Variants in SLC19A1 observed in about 807,000 individuals in gnomAD.
SLC19A1 encodes reduced folate transporter.
In SLC19A1, 37 loss-of-function variants were observed where a neutral mutation model predicts 35.3. That is an observed-to-expected ratio of 1.05 (90% CI 0.81 to 1.38). SLC19A1 has a LOEUF of 1.38. Ranked by LOEUF, SLC19A1 falls within the 40% of genes most tolerant of loss-of-function variation. The pLI, the probability that SLC19A1 is intolerant of heterozygous loss-of-function variation, is 0.00. For missense variants in SLC19A1, 831 were observed against 826.9 expected (o/e 1.00, Z -0.06); for synonymous variants, 460 against 398.5 (o/e 1.15, Z -1.84).
At chr21:45,547,889 C>T (rs2078430217), upstream of SLC19A1, among the ~76,000 whole-genome samples, 1 of 152,202 alleles carries the variant, frequency 6.6e-6, no homozygotes, top group Non-Finnish European at 1.5e-5. Flanking sequence ...AATTGGAAGG[C>T]TCATTATTAA....
exon 6 of SLC19A1, chr21:45,512,563 AGT>A (rs2037674300): frequency 2.9e-6 from 2 of 687,068 alleles, no homozygotes; most frequent in Admixed American, 2.8e-5. Flanking sequence ...GAAGCCAAAG[AGT>A]GTATTTTTTT....
chr21:45,527,458 C>T (rs1484632408), intron 4 of SLC19A1, among the ~76,000 whole-genome samples: 2 of 125,196 alleles, frequency 1.6e-5, no homozygotes, highest in East Asian at 2.5e-4. Context: ...GGCAGCCAGG[C>T]AGGGCGGGCC....
intron 3 of SLC19A1, chr21:45,503,930 C>T (rs2037022996): frequency 6.6e-6 from 10 of 1,525,432 alleles, no homozygotes; most frequent in Non-Finnish European, 6.4e-6. Context: ...CAGGCAAACC[C>T]ACCAGTGCTG....
chr21:45,504,280 AT>A, intron 3 of SLC19A1: 1 of 954,994 alleles, frequency 1.0e-6, no homozygotes, highest in Non-Finnish European at 1.6e-6. Context: ...GTCGAGCCCT[AT>A]TCTATGCAGC....
chr21:45,546,581 T>C (rs2078418306), upstream of SLC19A1, among the ~76,000 whole-genome samples: 2 of 152,258 alleles, frequency 1.3e-5, no homozygotes, highest in Admixed American at 1.3e-4. Flanking sequence ...AAAATCATGC[T>C]TAAATAGCCC....
intron 3 of SLC19A1, among the ~76,000 whole-genome samples, chr21:45,503,423 T>G (rs1394953256): frequency 6.6e-6 from 1 of 152,142 alleles, no homozygotes; most frequent in African/African-American, 2.4e-5. Flanking sequence ...GGGTTGTTTG[T>G]GGCACATATA....
Position 45,515,670 on chromosome 21 carries a change from A to G in SLC19A1, c.1764T>C (p.Asn588=), listed in dbSNP as rs541428963. ...LQCLPSDGVQ[N]VNQ ...GGGCGCCCGAGAGTCACTGGTTCAC[A>G]TTCTGAACACCGTCGCTTGGAAGAC... Residue 588 remains asparagine, a synonymous_variant, in exon 6 of 6, where the codon AAT becomes AAC. Transcript: ENST00000311124. The G allele has an allele frequency of 3.5e-4, 561 of 1,613,608 alleles. 6 individuals are homozygous for G. In the South Asian group the frequency reaches 5.8e-3, roughly 17 times the overall value.
intron 3 of SLC19A1, among the ~76,000 whole-genome samples, chr21:45,503,253 G>A (rs1036806132): frequency 3.4e-5 from 5 of 145,952 alleles, no homozygotes; most frequent in South Asian, 2.2e-4. Flanking sequence ...ACTTTTTAAC[G>A]ATCGCCATTC....
At chr21:45,541,277 C>T (rs1305662756) in intron 1 of SLC19A1, among the ~76,000 whole-genome samples, 3 of 152,236 alleles carry the variant, frequency 2.0e-5, no homozygotes, top group African/African-American at 2.4e-5. Context: ...CAGGCAAAGG[C>T]GGCCAGTGAG....
In SLC19A1 at chr21:45,514,265, C is replaced by CCCCCA. The variant is rs908562993; in HGVS notation, c.*1392_*1393insTGGGG. On this transcript the variant is annotated 3_prime_UTR_variant, in exon 6 of 6. Coordinates refer to ENST00000311124, the MANE Select transcript of SLC19A1 (RefSeq NM_194255.4). ...GGAAATGGCTGGTGCAGACCCCCCC[C>CCCCCA]CAAGCAGGGTCCCCAGGGTGGCCAT... 1.3e-5 allele frequency: 2 copies of CCCCCA among 148,994 alleles called. No individual in the cohort carries two copies. Among genetic ancestry groups the CCCCCA allele is most frequent in the African/African-American group, 5.1e-5 (2 of 38,880 alleles). The allele number at this position is 148,994 out of a possible 1,614,324, so 9.2% of individuals were successfully genotyped here.
chr21:45,549,660 TG>T, intron 1 of SLC19A1, among the ~76,000 whole-genome samples: 1 of 64,420 alleles, frequency 1.6e-5, no homozygotes, highest in East Asian at 5.9e-4. Flanking sequence ...TAGTGGGTGG[TG>T]GGGAGGGGGA....
At chr21:45,553,540 T>C (rs1278462808) in intron 1 of SLC19A1, among the ~76,000 whole-genome samples, 3 of 151,642 alleles carry the variant, frequency 2.0e-5, no homozygotes, top group African/African-American at 7.3e-5. Flanking sequence ...TTCACACTGT[T>C]GTGCGGCCGT....
At chr21:45,546,574 A>G (rs2078418285), upstream of SLC19A1, among the ~76,000 whole-genome samples, 1 of 152,224 alleles carries the variant, frequency 6.6e-6, no homozygotes, top group Non-Finnish European at 1.5e-5. Flanking sequence ...CTTTCACAAA[A>G]TCATGCTTAA....
At position 45,513,785 on chromosome 21, in the gene SLC19A1, G is replaced by A. The variant is rs566851565; in HGVS notation, c.*1873C>T. 3.3e-5 allele frequency: 5 copies of A among 152,370 alleles called. No individual in the cohort carries two copies. Among genetic ancestry groups the A allele is most frequent in the African/African-American group, 1.2e-4 (5 of 41,578 alleles). The allele number at this position is 152,370 out of a possible 1,614,324, so 9.4% of individuals were successfully genotyped here. A position where few individuals can be genotyped will look rare whatever the true frequency, so the allele number is the denominator to read the frequency against. On this transcript the variant is annotated 3_prime_UTR_variant, in exon 6 of 6. Coordinates refer to ENST00000311124, the MANE Select transcript of SLC19A1 (RefSeq NM_194255.4). Reference sequence around the variant, plus strand: ...CACAATTCTCCAAAAGGAGTTCTCAGGAGTCTTTTATCCCTGGACTGCCCC... The same window carrying A: ...CACAATTCTCCAAAAGGAGTTCTCAAGAGTCTTTTATCCCTGGACTGCCCC...
chr21:45,504,236 T>G, intron 3 of SLC19A1: 1 of 900,548 alleles, frequency 1.1e-6, no homozygotes, highest in Admixed American at 2.1e-5. Flanking sequence ...GCTCAGTTTT[T>G]GGGGGACTCG....
chr21:45,553,256 C>A (rs142921412), intron 1 of SLC19A1, among the ~76,000 whole-genome samples: 1 of 151,924 alleles, frequency 6.6e-6, no homozygotes, highest in Non-Finnish European at 1.5e-5. Context: ...CCTAAGGGGA[C>A]GGGAGCCGCT....
chr21:45,532,098 C>G lies in SLC19A1; in HGVS notation c.240G>C (p.Leu80=), dbSNP rs751694987. Reference sequence around the variant, plus strand: ...AGTCGGTGAGCAGGAACACGGGCACCAGCACGGCCAGGTAGGAGTACGACA... The same window carrying G: ...AGTCGGTGAGCAGGAACACGGGCACGAGCACGGCCAGGTAGGAGTACGACA... ...PVLSYSYLAV[L]VPVFLLTDYL... The change falls in exon 3 of 6, where the codon CTG becomes CTC. Residue 80 remains leucine (L), a synonymous_variant. Transcript: ENST00000311124. The G allele has an allele frequency of 4.3e-6, 7 of 1,611,702 alleles. No individual in the cohort carries two copies. In the South Asian group the frequency reaches 6.6e-5, roughly 15 times the overall value.
chr21:45,532,925 C>T (rs945802518), intron 2 of SLC19A1, among the ~76,000 whole-genome samples: 3 of 152,064 alleles, frequency 2.0e-5, no homozygotes, highest in Non-Finnish European at 4.4e-5. Flanking sequence ...AGGGACTGTT[C>T]GTGGGGGAAC....
chr21:45,552,646 A>T (rs889812528), intron 1 of SLC19A1, among the ~76,000 whole-genome samples: 1 of 151,836 alleles, frequency 6.6e-6, no homozygotes, highest in African/African-American at 2.4e-5. Context: ...GGACAGCCCC[A>T]GCCCCAGCAG....
Sources: gnomAD v4.1 joint callset for allele counts (sites outside exome capture counted in the v4.1 genomes callset) on GRCh38, gnomAD v4.1.1 for gene constraint, MANE v1.5 for transcripts, NCBI Gene and HGNC (gene_info 2026-07-23, HGNC 2026-07-21) for gene names.